Variants in PCDHGA2 observed in about 807,000 individuals in gnomAD.
The protein encoded by PCDHGA2 is protocadherin gamma-A2.
PCDHGA2 carries 40 observed loss-of-function variants against 59.2 expected under a neutral mutation model. The observed-to-expected ratio is 0.68, with a 90% CI of 0.52 to 0.88. PCDHGA2 has a LOEUF of 0.88. PCDHGA2 is among the 40% of genes least tolerant of loss of function. The pLI is 0.00. For synonymous variants in PCDHGA2, 560 were observed against 526.0 expected, an observed-to-expected ratio of 1.06 and a Z score of -0.89; for missense variants, 1,226 against 1,204.0, an observed-to-expected ratio of 1.02 and a Z score of -0.27.
At position 141,431,510 on chromosome 5, in the gene PCDHGA2, G is replaced by T; in HGVS notation, c.2425-63297G>T. On this transcript the variant is annotated intron_variant, in intron 1 of 3. Transcript: ENST00000394576. The surrounding 1 kb of genome is among the most constrained non-coding windows in gnomAD (Gnocchi z 4.8). ...TGCTCAGCCCGAGTACCGCGCGAGC[G>T]TTCCGGAGAATCTGGCCTTGGGCAC... 1 of 1,614,022 alleles carries T rather than the reference G, an allele frequency of 6.2e-7. No individual in the cohort carries two copies. Among genetic ancestry groups the T allele is most frequent in the Non-Finnish European group, 8.5e-7 (1 of 1,180,026 alleles).
At chr5:141,355,411 A>AG (rs1229708601) in intron 1 of PCDHGA2, 1 of 1,613,986 alleles carries the variant, frequency 6.2e-7, no homozygotes, top group Non-Finnish European at 8.5e-7. Flanking sequence ...CTCCAGAGGT[A>AG]GGACGCAGCT....
chr5:141,409,941 G>T, intron 1 of PCDHGA2: 1 of 1,613,226 alleles, frequency 6.2e-7, no homozygotes, highest in South Asian at 1.1e-5. Flanking sequence ...ATGGTACCTC[G>T]CTCTGCAGAG....
rs1284989963 is a variant in PCDHGA2 at position 141,419,134 on chromosome 5, A to T, written c.2425-75673A>T. On this transcript the variant is annotated intron_variant, in intron 1 of 3. Transcript: ENST00000394576. ...AGTACAACGTCACCATCGCAGCCAC[A>T]GACAGGGGCAAGCCTCCGTTATCCT... is the stretch of plus-strand genomic sequence containing the variant. 2.5e-6 allele frequency: 4 copies of T among 1,613,826 alleles called. No individual in the cohort carries two copies. In the African/African-American group the frequency reaches 5.3e-5, roughly 22 times the overall value.
intron 1 of PCDHGA2, chr5:141,415,762 T>TTTTG: frequency 2.1e-6 from 3 of 1,399,986 alleles, no homozygotes; most frequent in Non-Finnish European, 2.8e-6. Flanking sequence ...TTTTTTTTTT[T>TTTTG]TTTTTTTTTT....
intron 1 of PCDHGA2, among the ~76,000 whole-genome samples, chr5:141,444,400 A>G (rs1400847351): frequency 1.3e-5 from 2 of 151,536 alleles, no homozygotes; most frequent in Admixed American, 6.6e-5. Flanking sequence ...TGAACTCCCA[A>G]CCTCAGGTGA....
chr5:141,485,065 A>G lies in PCDHGA2; in HGVS notation c.2425-9742A>G, dbSNP rs527439590. On this transcript the variant is annotated intron_variant, in intron 1 of 3. Transcript: ENST00000394576. The surrounding 1 kb of genome is among the most constrained non-coding windows in gnomAD (Gnocchi z 5.7). ...TGCGGCGCCGGCCGAACCGCGCCAG[A>G]GCTGGCGCGGGGAAAGGGAGATAGG... The G allele has an allele frequency of 4.2e-5, 37 of 877,696 alleles. No individual in the cohort carries two copies. Among genetic ancestry groups the G allele is most frequent in the Non-Finnish European group, 6.5e-5 (36 of 552,826 alleles). The allele number at this position is 877,696 out of a possible 1,614,324, so 54.4% of individuals were successfully genotyped here. A position where few individuals can be genotyped will look rare whatever the true frequency, so the allele number is the denominator to read the frequency against.
At position 141,419,770 on chromosome 5, in the gene PCDHGA2, G is replaced by A. The variant is rs1018272442; in HGVS notation, c.2425-75037G>A. On this transcript the variant is annotated intron_variant, in intron 1 of 3. Coordinates refer to ENST00000394576, the MANE Select transcript of PCDHGA2 (RefSeq NM_018915.4). ...TGCGTGCTTTGGGTGACAAGGACTC[G>A]GTCCGCCAGCGCCTGCTAGTCGCTG... 3.7e-6 allele frequency: 6 copies of A among 1,614,006 alleles called. No individual in the cohort carries two copies. The Admixed American group carries it at 6.7e-5, about 18-fold the overall frequency.
chr5:141,360,210 C>G (rs748051773), intron 1 of PCDHGA2: 2 of 1,613,122 alleles, frequency 1.2e-6, no homozygotes, highest in East Asian at 2.2e-5. Flanking sequence ...TGTCTTTGTT[C>G]CCCGGGGCTC....
chr5:141,429,426 G>C (rs992784469), intron 1 of PCDHGA2, among the ~76,000 whole-genome samples: 3 of 151,724 alleles, frequency 2.0e-5, no homozygotes, highest in African/African-American at 4.8e-5. Context: ...TGTTGCCCAG[G>C]CTGGACTCAA....
Position 141,487,322 on chromosome 5 carries a change from C to T in PCDHGA2, c.2425-7485C>T, listed in dbSNP as rs760334964. 7.4e-6 allele frequency: 12 copies of T among 1,614,134 alleles called. No homozygotes were observed. Among genetic ancestry groups the T allele is most frequent in the South Asian group, 3.3e-5 (3 of 91,082 alleles). ...CGTGGCACTACTCTCTAAGTGTCTT[C>T]GTGGGGCAGCCTGTGGAGTCACATG... On this transcript the variant is annotated intron_variant, in intron 1 of 3. Coordinates refer to ENST00000394576, the MANE Select transcript of PCDHGA2 (RefSeq NM_018915.4). The surrounding 1 kb of genome is among the most constrained non-coding windows in gnomAD (Gnocchi z 5.0).
intron 1 of PCDHGA2, among the ~76,000 whole-genome samples, chr5:141,449,588 C>CA (rs768743917): frequency 0.036 from 2,064 of 56,756 alleles, 20 homozygotes; most frequent in Middle Eastern, 0.06. Context: ...GACTCTGTCT[C>CA]AAAAAAAAAA....
Position 141,490,351 on chromosome 5 carries a change from T to C in PCDHGA2, c.2425-4456T>C. Reference sequence around the variant, plus strand: ...CACACCAGTGGGCACAGTAGTGGGGTTGTTTAATGTGCGAGACCGGGACTC... The same window carrying C: ...CACACCAGTGGGCACAGTAGTGGGGCTGTTTAATGTGCGAGACCGGGACTC... On this transcript the variant is annotated intron_variant, in intron 1 of 3. Transcript: ENST00000394576. The surrounding 1 kb of genome is among the most constrained non-coding windows in gnomAD (Gnocchi z 5.4). 6.2e-7 allele frequency: 1 copy of C among 1,614,028 alleles called. No individual in the cohort carries two copies. The highest frequency in any genetic ancestry group is 1.3e-5 in the African/African-American group (1 of 74,976).
intron 1 of PCDHGA2, among the ~76,000 whole-genome samples, chr5:141,492,781 T>C (rs945023154): frequency 9.9e-5 from 15 of 152,194 alleles, no homozygotes; most frequent in African/African-American, 3.6e-4. Flanking sequence ...TGAGTGAGCC[T>C]CTATAGGACA....
chr5:141,380,834 G>A (rs559775684), intron 1 of PCDHGA2, among the ~76,000 whole-genome samples: 114 of 152,272 alleles, frequency 7.5e-4, no homozygotes, highest in Admixed American at 3.9e-3. Flanking sequence ...TGAGGCATCA[G>A]GTAAAAATGG....
chr5:141,402,799 C>A (rs1248030162), intron 1 of PCDHGA2: 2 of 1,061,840 alleles, frequency 1.9e-6, no homozygotes, highest in Non-Finnish European at 2.6e-6. Flanking sequence ...TACACAAAAC[C>A]CGGCAGATAC....
Position 141,340,171 on chromosome 5 carries a change from T to C in PCDHGA2, c.1200T>C (p.Asn400=). The C allele has an allele frequency of 6.2e-7, 1 of 1,614,150 alleles. No homozygotes were observed. The highest frequency in any genetic ancestry group is 1.3e-5 in the African/African-American group (1 of 75,038). ...LPFKLEKSVD[N]YYRLVTTRAL... ...TTAAGTTAGAAAAGTCAGTAGACAA[T>C]TACTACCGACTGGTTACAACCAGAG... Residue 400 remains asparagine (N), a synonymous_variant, in exon 1 of 4, where the codon AAT becomes AAC. Transcript: ENST00000394576.
intron 1 of PCDHGA2, chr5:141,351,135 C>A: frequency 6.2e-7 from 1 of 1,614,038 alleles, no homozygotes; most frequent in South Asian, 1.1e-5. Flanking sequence ...AATCTCAATC[C>A]AAATACTGGC....
chr5:141,448,449 T>A (rs528049717), intron 1 of PCDHGA2, among the ~76,000 whole-genome samples: 1 of 152,166 alleles, frequency 6.6e-6, no homozygotes, highest in Non-Finnish European at 1.5e-5. Context: ...CTGACTTCCA[T>A]CCCTATCCTA....
rs778896419 is a variant in PCDHGA2, at chr5:141,339,776, G to T, written c.805G>T (p.Ala269Ser). The T allele has an allele frequency of 9.9e-6, 16 of 1,614,188 alleles. No homozygotes were observed. The highest frequency in any genetic ancestry group is 1.4e-5 in the Non-Finnish European group (16 of 1,180,028). Residue 269 changes from alanine (A) to serine (S), a missense_variant, in exon 1 of 4, where the codon GCA becomes TCA. Physicochemically the swap from Ala to Ser is moderately conservative, Grantham distance 99. Transcript: ENST00000394576. ...GATACTCACGGTGACCGCCACTGAC[G>T]CAGATGAGGGCTACTACGCTCAAGT... ...TRILTVTATD[A>S]DEGYYAQVVY...
Sources: allele counts gnomAD v4.1 joint callset (sites outside exome capture counted in the v4.1 genomes callset), GRCh38; gene constraint gnomAD v4.1.1; non-coding constraint Gnocchi (gnomAD v3.1); transcripts MANE v1.5; gene names NCBI Gene and HGNC (gene_info 2026-07-23, HGNC 2026-07-21).